Variants in NDUFV2 observed in about 807,000 individuals in gnomAD.
NDUFV2 encodes the protein NADH:ubiquinone oxidoreductase core subunit V2.
NDUFV2 carries 18 observed loss-of-function variants against 31.6 expected under a neutral mutation model. The observed-to-expected ratio is 0.57, with a 90% CI of 0.39 to 0.84. The LOEUF is 0.84. Among genes scored for constraint, NDUFV2 ranks in the 40% least tolerant of loss-of-function variants. NDUFV2 has a pLI of 0.00. For missense variants in NDUFV2, 314 were observed against 303.6 expected (o/e 1.03, Z -0.26); for synonymous variants, 83 against 99.8 (o/e 0.83, Z 1.01).
At chr18:9,110,610 C>T (rs529684346) in intron 1 of NDUFV2, among the ~76,000 whole-genome samples, 4 of 152,176 alleles carry the variant, frequency 2.6e-5, no homozygotes, top group South Asian at 2.1e-4. Context: ...TGGGCGCAAG[C>T]GATGCTCCCA....
At chr18:9,107,483 C>G (rs1207224688) in intron 1 of NDUFV2, among the ~76,000 whole-genome samples, 2 of 152,148 alleles carry the variant, frequency 1.3e-5, no homozygotes, top group African/African-American at 4.8e-5. Context: ...ACATCAAAGA[C>G]AGTTTACACA....
intron 1 of NDUFV2, chr18:9,104,206 G>GC (rs139009723): frequency 0.078 from 126,291 of 1,612,614 alleles, 5,311 homozygotes; most frequent in Non-Finnish European, 0.085. Context: ...TGTATGAGAA[G>GC]CCACCCTCTG....
intron 1 of NDUFV2, among the ~76,000 whole-genome samples, chr18:9,112,017 G>GT (rs10659823): frequency 0.56 from 68,527 of 122,284 alleles, 20,487 homozygotes; most frequent in South Asian, 0.75. Flanking sequence ...CATCAGAAGG[G>GT]TTTTTTTTTT....
At chr18:9,131,700 A>G (rs919750131) in intron 7 of NDUFV2, among the ~76,000 whole-genome samples, 3 of 152,228 alleles carry the variant, frequency 2.0e-5, no homozygotes, top group African/African-American at 7.2e-5. Flanking sequence ...AGAAAGGCCA[A>G]GTTTTCTAGA....
chr18:9,102,764 C>A lies in NDUFV2; in HGVS notation c.21C>A (p.Leu7=), dbSNP rs376478122. 1.3e-6 allele frequency: 2 copies of A among 1,585,366 alleles called. No individual in the cohort carries two copies. Among genetic ancestry groups the A allele is most frequent in the African/African-American group, 1.4e-5 (1 of 73,972 alleles). ...CCGCCATGTTCTTCTCCGCGGCGCT[C>A]CGGGCCCGGGCGGCTGGCCTCACCG... MFFSAA[L]RARAAGLTAH... Residue 7 remains leucine (L), a synonymous_variant, in exon 1 of 8, where the codon CTC becomes CTA. Coordinates refer to ENST00000318388, the MANE Select transcript of NDUFV2 (RefSeq NM_021074.5).
chr18:9,128,219 T>TA (rs1426224504), intron 7 of NDUFV2, among the ~76,000 whole-genome samples: 1 of 152,222 alleles, frequency 6.6e-6, no homozygotes, highest in African/African-American at 2.4e-5. Context: ...GATGTGCTCT[T>TA]ACTCCCGTTT....
Position 9,134,295 on chromosome 18 carries a change from A to T in NDUFV2, c.*16A>T. 1 of 1,550,392 alleles carries T rather than the reference A, an allele frequency of 6.4e-7. No homozygotes were observed. Among genetic ancestry groups the T allele is most frequent in the Non-Finnish European group, 8.9e-7 (1 of 1,124,054 alleles). On this transcript the variant is annotated 3_prime_UTR_variant, in exon 8 of 8. Coordinates refer to ENST00000318388, the MANE Select transcript of NDUFV2 (RefSeq NM_021074.5). ...AGGCCTTTAATTTATATTGAACTGTAAATATGTCACTAGAGAAATAAAATA... is the reference window on the plus strand; with the variant it reads ...AGGCCTTTAATTTATATTGAACTGTTAATATGTCACTAGAGAAATAAAATA...
intron 5 of NDUFV2, among the ~76,000 whole-genome samples, chr18:9,123,811 AAC>A (rs1385970345): frequency 1.3e-5 from 2 of 152,054 alleles, no homozygotes; most frequent in Non-Finnish European, 1.5e-5. Context: ...TTCTTTTACA[AAC>A]AGTTACTTTG....
intron 2 of NDUFV2, among the ~76,000 whole-genome samples, chr18:9,118,349 T>C (rs1338256465): frequency 4.6e-5 from 7 of 152,122 alleles, no homozygotes; most frequent in Admixed American, 4.6e-4. Flanking sequence ...GTCTGTGAAC[T>C]CCCCAGATTA....
intron 4 of NDUFV2, among the ~76,000 whole-genome samples, chr18:9,121,989 G>A (rs952602718): frequency 3.9e-5 from 6 of 152,070 alleles, no homozygotes; most frequent in African/African-American, 9.7e-5. Context: ...ATAAAATTTT[G>A]AGTTTACATA....
At position 9,117,859 on chromosome 18, in the gene NDUFV2, C is replaced by T. The variant is rs760057857; in HGVS notation, c.76C>T (p.His26Tyr). 1.9e-6 allele frequency: 3 copies of T among 1,598,828 alleles called. No individual in the cohort carries two copies. The highest frequency in any genetic ancestry group is 2.6e-6 in the Non-Finnish European group (3 of 1,166,616). The change falls in exon 2 of 8, where the codon CAT (histidine) becomes TAT (tyrosine). Residue 26 changes from histidine (H) to tyrosine (Y), a missense_variant. Transcript: ENST00000318388. ...TTAGGGAAGACATGTAAGGAATTTG[C>T]ATAAGACAGTTATGCAAAATGGAGC... ...AHWGRHVRNL[H>Y]KTVMQNGAGG...
chr18:9,110,409 G>T (rs1033800191), intron 1 of NDUFV2, among the ~76,000 whole-genome samples: 9 of 152,110 alleles, frequency 5.9e-5, no homozygotes, highest in Non-Finnish European at 1.3e-4. Flanking sequence ...CCTGTAACTT[G>T]ATAGGGATGA....
intron 1 of NDUFV2, among the ~76,000 whole-genome samples, chr18:9,113,617 A>G (rs987504261): frequency 3.9e-5 from 6 of 152,244 alleles, no homozygotes; most frequent in African/African-American, 1.4e-4. Flanking sequence ...AAAGGCAGAA[A>G]TGAAATCCAC....
intron 4 of NDUFV2, among the ~76,000 whole-genome samples, chr18:9,119,877 G>A (rs1350615345): frequency 6.6e-6 from 1 of 151,792 alleles, no homozygotes; most frequent in East Asian, 1.9e-4. Flanking sequence ...GATTCCAAAT[G>A]TGTATAACTT....
At chr18:9,116,923 G>A (rs985344039) in intron 1 of NDUFV2, among the ~76,000 whole-genome samples, 2 of 152,108 alleles carry the variant, frequency 1.3e-5, no homozygotes, top group Non-Finnish European at 2.9e-5. Context: ...GGAGTGGAGG[G>A]TAGGAGCAAG....
chr18:9,126,538 A>G (rs2077992162), intron 6 of NDUFV2: 1 of 363,650 alleles, frequency 2.7e-6, no homozygotes, highest in South Asian at 2.6e-5. Flanking sequence ...AGTGTGTACT[A>G]TATATAGGAG....
At chr18:9,132,909 T>TAATA (rs2078052488) in intron 7 of NDUFV2, among the ~76,000 whole-genome samples, 1 of 152,168 alleles carries the variant, frequency 6.6e-6, no homozygotes. Context: ...TTGCAAAATA[T>TAATA]AATACTGTTG....
At chr18:9,108,440 A>C (rs1375521941) in intron 1 of NDUFV2, among the ~76,000 whole-genome samples, 2 of 152,210 alleles carry the variant, frequency 1.3e-5, no homozygotes, top group Non-Finnish European at 2.9e-5. Flanking sequence ...TGTGTGAGCT[A>C]GGGAAAGTTT....
In NDUFV2 at chr18:9,124,899, T is replaced by C; in HGVS notation, c.495T>C (p.Pro165=). The change falls in exon 6 of 8, where the codon CCT becomes CCC. Residue 165 remains proline, a synonymous_variant. Transcript: ENST00000318388. ...KLGIKVGETT[P]DKLFTLIEVE... is the part of the protein sequence containing the mutation. ...GAATAAAGGTTGGGGAGACTACACC[T>C]GACAAACTTTTCACTCTTATAGAAG... The C allele has an allele frequency of 6.2e-7, 1 of 1,612,844 alleles. No homozygotes were observed. Among genetic ancestry groups the C allele is most frequent in the Non-Finnish European group, 8.5e-7 (1 of 1,179,472 alleles).
Sources: gnomAD v4.1 joint callset for allele counts (sites outside exome capture counted in the v4.1 genomes callset) on GRCh38, gnomAD v4.1.1 for gene constraint, MANE v1.5 for transcripts, NCBI Gene and HGNC (gene_info 2026-07-23, HGNC 2026-07-21) for gene names.